GPR146: variants seen among roughly 807,000 people sequenced by gnomAD.
GPR146 encodes the protein G protein-coupled receptor 146.
For missense variants in GPR146, 381 were observed against 213.9 expected, an observed-to-expected ratio of 1.78 and a Z score of -4.87; for synonymous variants, 203 against 104.3, an observed-to-expected ratio of 1.95 and a Z score of -5.77.
Position 1,048,733 on chromosome 7 carries a change from G to A in GPR146, c.-25+4075G>A, listed in dbSNP as rs528928896. Among the ~76,000 whole-genome samples the A allele has an allele frequency of 3.2e-4, 48 of 152,264 alleles. No homozygotes were observed. The East Asian group carries it at 4.4e-3, about 14-fold the overall frequency. ...AAATGCTCCTGACAGCTAGCCTGAC[G>A]GGGTCCTGTCGCCCCTGTCCACACC... On this transcript the variant is annotated intron_variant, in intron 1 of 1. Coordinates refer to ENST00000444847, the MANE Select transcript of GPR146 (RefSeq NM_001303473.2).
chr7:1,057,649 A>G lies in GPR146; in HGVS notation c.134A>G (p.Asn45Ser), dbSNP rs746404765. ...VVGVPVGLCY[N>S]ALLVLANLHS... ...GGCGTGCCAGTGGGCCTGTGCTACA[A>G]CGCCCTGCTGGTGCTGGCCAACCTA... The change falls in exon 2 of 2, where the codon AAC becomes AGC. Residue 45 changes from asparagine to serine, a missense_variant. Coordinates refer to ENST00000444847, the MANE Select transcript of GPR146 (RefSeq NM_001303473.2). 12 of 770,936 alleles carry G rather than the reference A, an allele frequency of 1.6e-5. No homozygotes were observed. Among genetic ancestry groups the G allele is most frequent in the Non-Finnish European group, 1.7e-5 (7 of 415,936 alleles). 47.8% of individuals were successfully genotyped at this position (770,936 alleles called of 1,614,324 possible). A position where few individuals can be genotyped will look rare whatever the true frequency, so the allele number is the denominator to read the frequency against.
At chr7:1,046,757 G>A (rs1357722932) in intron 1 of GPR146, among the ~76,000 whole-genome samples, 5 of 152,218 alleles carry the variant, frequency 3.3e-5, no homozygotes, top group African/African-American at 1.2e-4. Context: ...GCCACACCCA[G>A]GTCCCTTCCT....
intron 1 of GPR146, among the ~76,000 whole-genome samples, chr7:1,053,783 T>C (rs949346152): frequency 1.4e-4 from 21 of 152,086 alleles, no homozygotes; most frequent in African/African-American, 4.3e-4. Context: ...GCTGAGATCG[T>C]GCCACTGCAC....
chr7:1,053,198 C>T (rs950742982), intron 1 of GPR146, among the ~76,000 whole-genome samples: 3 of 152,206 alleles, frequency 2.0e-5, no homozygotes, highest in Admixed American at 6.5e-5. Flanking sequence ...GGCAAGGAGT[C>T]GAAGGCTCCA....
rs140990456 is a variant in GPR146, at chr7:1,053,156, T to TGGGCACAGAGGCAAGTGGG, written c.-24-4321_-24-4320insTGGGGGGCACAGAGGCAAG. Among the ~76,000 whole-genome samples, 1,861 of 152,276 alleles carry TGGGCACAGAGGCAAGTGGG rather than the reference T, an allele frequency of 0.012. 65 individuals are homozygous for TGGGCACAGAGGCAAGTGGG. The East Asian group carries it at 0.13, about 10-fold the overall frequency. On this transcript the variant is annotated intron_variant, in intron 1 of 1. Coordinates refer to ENST00000444847, the MANE Select transcript of GPR146 (RefSeq NM_001303473.2). ...CCGGCAGCCAGGAAAAGGAAGTCTC[T>TGGGCACAGAGGCAAGTGGG]GGGCACAGAGGCAAGCGGGAGACCA... is the stretch of plus-strand genomic sequence containing the variant.
At chr7:1,051,633 G>A (rs1783120410) in intron 1 of GPR146, among the ~76,000 whole-genome samples, 2 of 152,256 alleles carry the variant, frequency 1.3e-5, no homozygotes, top group South Asian at 4.1e-4. Context: ...GATTGGGAAG[G>A]ACGGGCAGTA....
At chr7:1,048,226 C>T (rs76035810) in intron 1 of GPR146, among the ~76,000 whole-genome samples, 239 of 152,288 alleles carry the variant, frequency 1.6e-3, no homozygotes, top group African/African-American at 5.3e-3. Flanking sequence ...CCGGAAACTT[C>T]GTGGGGATCA....
intron 1 of GPR146, among the ~76,000 whole-genome samples, chr7:1,048,661 C>A (rs540373683): frequency 1.3e-5 from 2 of 152,318 alleles, no homozygotes; most frequent in Admixed American, 1.3e-4. Flanking sequence ...GCACTTTGGG[C>A]TCTTTTTAAA....
intron 1 of GPR146, among the ~76,000 whole-genome samples, chr7:1,053,699 C>CAT (rs1256494195): frequency 2.0e-5 from 3 of 152,144 alleles, no homozygotes; most frequent in African/African-American, 7.2e-5. Flanking sequence ...TGGTGGCAGT[C>CAT]GCCTGTAATC....
chr7:1,053,591 G>T (rs1783383673), intron 1 of GPR146, among the ~76,000 whole-genome samples: 1 of 152,228 alleles, frequency 6.6e-6, no homozygotes, highest in Non-Finnish European at 1.5e-5. Context: ...ACTTTGGGAG[G>T]CCGAGGTGGG....
intron 1 of GPR146, among the ~76,000 whole-genome samples, chr7:1,050,811 G>A (rs62430971): frequency 0.16 from 23,661 of 152,166 alleles, 1,997 homozygotes; most frequent in Admixed American, 0.21. Flanking sequence ...CGGGCACACC[G>A]GAAACAGCGA....
At chr7:1,054,265 T>G (rs1010932086) in intron 1 of GPR146, among the ~76,000 whole-genome samples, 3 of 152,170 alleles carry the variant, frequency 2.0e-5, no homozygotes, top group African/African-American at 7.2e-5. Flanking sequence ...GGAAAACAGG[T>G]ACGGCTCGGC....
At chr7:1,049,701 T>A (rs1213944710) in intron 1 of GPR146, among the ~76,000 whole-genome samples, 1 of 152,178 alleles carries the variant, frequency 6.6e-6, no homozygotes, top group Non-Finnish European at 1.5e-5. Flanking sequence ...TAACATTCCC[T>A]CATGTCAGGT....
chr7:1,045,260 G>A (rs1310718688), intron 1 of GPR146: 1 of 152,236 alleles, frequency 6.6e-6, no homozygotes, highest in Non-Finnish European at 1.5e-5. Flanking sequence ...ATCTTGATGT[G>A]ACTGGTCACA....
In GPR146 at chr7:1,057,729, G is replaced by A. The variant is rs1239063157; in HGVS notation, c.214G>A (p.Ala72Thr). 1 of 775,280 alleles carries A rather than the reference G, an allele frequency of 1.3e-6. No homozygotes were observed. The highest frequency in any genetic ancestry group is 1.3e-5 in the South Asian group (1 of 74,508). 48.0% of individuals were successfully genotyped at this position (775,280 alleles called of 1,614,324 possible). A position where few individuals can be genotyped will look rare whatever the true frequency, so the allele number is the denominator to read the frequency against. The change falls in exon 2 of 2, where the codon GCA becomes ACA. Residue 72 changes from alanine (A) to threonine (T), a missense_variant. Coordinates refer to ENST00000444847, the MANE Select transcript of GPR146 (RefSeq NM_001303473.2). ...CGTGTACTTTGTCAACATGGCAGTG[G>A]CAGGCCTGGTGCTCAGCGCCCTGGC... ...PDVYFVNMAVAGLVLSALAPV... is the reference protein window; with the variant it reads ...PDVYFVNMAVTGLVLSALAPV...
intron 1 of GPR146, chr7:1,056,510 G>C (rs1783786988): frequency 6.6e-6 from 1 of 152,428 alleles, no homozygotes; most frequent in Non-Finnish European, 1.5e-5. Flanking sequence ...CCTAGCCACA[G>C]GGCCGTGTCT....
At position 1,058,357 on chromosome 7, in the gene GPR146, C is replaced by G. The variant is rs373918911; in HGVS notation, c.842C>G (p.Ser281Cys). ...CTACTGCACTTTGTGAAGGATTTCT[C>G]CAAACTCCTGGCCTTCTCCAGCAGC... is the stretch of plus-strand genomic sequence containing the variant. Reference protein sequence around the residue: ...LGLLHFVKDFSKLLAFSSSFV... With the variant: ...LGLLHFVKDFCKLLAFSSSFV... The change falls in exon 2 of 2, where the codon TCC becomes TGC. Residue 281 changes from serine (S) to cysteine (C), a missense_variant. Physicochemically the swap from Ser to Cys is moderately radical, Grantham distance 112. Transcript: ENST00000444847. 4 of 779,616 alleles carry G rather than the reference C, an allele frequency of 5.1e-6. No homozygotes were observed. The African/African-American group carries it at 6.8e-5, about 13-fold the overall frequency. The allele number at this position is 779,616 out of a possible 1,614,324, so 48.3% of individuals were successfully genotyped here.
intron 1 of GPR146, among the ~76,000 whole-genome samples, chr7:1,053,288 T>G (rs1783327441): frequency 6.6e-6 from 1 of 152,260 alleles, no homozygotes; most frequent in Admixed American, 6.5e-5. Context: ...TCCCCCTCAC[T>G]CGGACGCAGG....
chr7:1,047,457 G>C (rs1382796180), intron 1 of GPR146, among the ~76,000 whole-genome samples: 1 of 152,262 alleles, frequency 6.6e-6, no homozygotes, highest in Non-Finnish European at 1.5e-5. Context: ...GGCACAGATA[G>C]GAATCAGTGT....
Sources: gnomAD v4.1 joint callset for allele counts (sites outside exome capture counted in the v4.1 genomes callset) on GRCh38, gnomAD v4.1.1 for gene constraint, MANE v1.5 for transcripts, NCBI Gene and HGNC (gene_info 2026-07-23, HGNC 2026-07-21) for gene names.